The following OBI1 variants were observed in gnomAD, a reference collection of about 807,000 sequenced individuals.
OBI1 encodes the protein ORC ubiquitin ligase 1.
A neutral mutation model predicts 62.4 loss-of-function variants in OBI1; 59 were observed. The observed-to-expected ratio is 0.95, with a 90% confidence interval of 0.77 to 1.17. The LOEUF is 1.17. OBI1 is among the 50% of genes most tolerant of loss of function. OBI1 has a pLI of 0.00. For synonymous variants in OBI1, 302 were observed against 292.8 expected, an observed-to-expected ratio of 1.03 and a Z score of -0.32; for missense variants, 875 against 830.9, an observed-to-expected ratio of 1.05 and a Z score of -0.65.
At chr13:78,630,339 T>A (rs895318583) in intron 5 of OBI1, among the ~76,000 whole-genome samples, 9 of 152,176 alleles carry the variant, frequency 5.9e-5, no homozygotes, top group Non-Finnish European at 1.3e-4. Flanking sequence ...CATTTACTCA[T>A]AACACATATT....
chr13:78,634,379 C>T (rs1342863205), intron 5 of OBI1, among the ~76,000 whole-genome samples: 1 of 152,048 alleles, frequency 6.6e-6, no homozygotes, highest in Non-Finnish European at 1.5e-5. Flanking sequence ...AATGCAACCT[C>T]TGCCTCCCGG....
In OBI1 at chr13:78,615,635, CT is replaced by C. The variant is rs1566273003; in HGVS notation, c.2125del (p.Arg709GlufsTer56). The C allele has an allele frequency of 1.9e-6, 3 of 1,612,944 alleles. No homozygotes were observed. The highest frequency in any genetic ancestry group is 1.3e-5 in the African/African-American group (1 of 74,812). On this transcript the variant is annotated frameshift_variant, in exon 6 of 6. Transcript: ENST00000282003. LOFTEE classifies it high-confidence loss of function. The stretch of plus-strand genomic sequence containing the variant: ...ACTGGAAAGGCTGCTCTGGATTTTT[CT>C]TTTTGTTGATTGATTCACATTTTTA... ...RNKNVNQSTK[R>X]KIQSSLSSAS...
intron 5 of OBI1, 116 bp from the exon 6 acceptor site, chr13:78,617,238 C>A: frequency 1.3e-6 from 1 of 746,462 alleles, no homozygotes; most frequent in Admixed American, 3.4e-5. Context: ...CATTTCAGAC[C>A]ACTCAATGAG....
intron 1 of OBI1, among the ~76,000 whole-genome samples, chr13:78,648,103 C>T (rs1876437312): frequency 6.6e-6 from 1 of 152,054 alleles, no homozygotes. Flanking sequence ...GGCAGACAAA[C>T]CTGAACTTTC....
intron 3 of OBI1, among the ~76,000 whole-genome samples, chr13:78,641,068 T>A (rs1876202015): frequency 6.6e-6 from 1 of 152,196 alleles, no homozygotes; most frequent in South Asian, 2.1e-4. Context: ...TATGATGCCA[T>A]TTATTCATCT....
At chr13:78,650,659 T>C (rs575961153) in intron 1 of OBI1, among the ~76,000 whole-genome samples, 7 of 152,130 alleles carry the variant, frequency 4.6e-5, no homozygotes, top group Admixed American at 3.3e-4. Context: ...CTCTGAAAAC[T>C]GTGGCTTAAC....
At chr13:78,635,756 C>G (rs1245688717) in intron 4 of OBI1, among the ~76,000 whole-genome samples, 3 of 152,024 alleles carry the variant, frequency 2.0e-5, no homozygotes, top group Non-Finnish European at 4.4e-5. Context: ...ATCTATCTAT[C>G]TATGTATCTA....
chr13:78,618,890 T>C lies in OBI1; in HGVS notation c.639-1768A>G, dbSNP rs567594145. 1.4e-4 allele frequency among the ~76,000 whole-genome samples: 22 copies of C among 152,324 alleles called. No individual in the cohort carries two copies. In the South Asian group the frequency reaches 4.6e-3, roughly 32 times the overall value. On this transcript the variant is annotated intron_variant, in intron 5 of 5. Transcript: ENST00000282003. The stretch of plus-strand genomic sequence containing the variant: ...GAGTTGTAGTTCTGCAAGAGAACTT[T>C]TAAAAAGTGGGCAAAGACCTTTCAG...
intron 5 of OBI1, among the ~76,000 whole-genome samples, chr13:78,632,299 T>C (rs1182236311): frequency 1.3e-5 from 2 of 152,138 alleles, no homozygotes; most frequent in Non-Finnish European, 2.9e-5. Flanking sequence ...CCCTGCCAAA[T>C]TCTGATGTGG....
chr13:78,657,211 A>G (rs2137475346), intron 1 of OBI1, among the ~76,000 whole-genome samples: 1 of 152,320 alleles, frequency 6.6e-6, no homozygotes, highest in East Asian at 1.9e-4. Context: ...AGTCTGGCAC[A>G]TAAGATTAAG....
chr13:78,645,995 C>G (rs370939505), intron 1 of OBI1, among the ~76,000 whole-genome samples: 7 of 152,170 alleles, frequency 4.6e-5, no homozygotes, highest in Admixed American at 1.3e-4. Flanking sequence ...CTTTCACCGC[C>G]CCAACCCTTT....
At chr13:78,644,291 C>T (rs1041294334) in intron 2 of OBI1, among the ~76,000 whole-genome samples, 1 of 152,148 alleles carries the variant, frequency 6.6e-6, no homozygotes, top group African/African-American at 2.4e-5. Context: ...AGAGCAAGTC[C>T]CTGATTTAGC....
rs766688273 is a variant in OBI1, at chr13:78,659,136, C to G, written c.-16G>C. 6 of 1,608,290 alleles carry G rather than the reference C, an allele frequency of 3.7e-6. No homozygotes were observed. Among genetic ancestry groups the G allele is most frequent in the South Asian group, 3.3e-5 (3 of 90,254 alleles). ...TCTGAGCCATGGCAGCGTTCAGAATCCCGCCAACACGGAAGTCCCGCCGAC... is the reference window on the plus strand; with the variant it reads ...TCTGAGCCATGGCAGCGTTCAGAATGCCGCCAACACGGAAGTCCCGCCGAC... On this transcript the variant is annotated 5_prime_UTR_variant, in exon 1 of 6. Coordinates refer to ENST00000282003, the MANE Select transcript of OBI1 (RefSeq NM_024546.4).
At chr13:78,653,322 G>A (rs1876599466) in intron 1 of OBI1, among the ~76,000 whole-genome samples, 1 of 152,174 alleles carries the variant, frequency 6.6e-6, no homozygotes, top group Admixed American at 6.5e-5. Flanking sequence ...AATGAGAAAT[G>A]TCTCCACACA....
intron 1 of OBI1, among the ~76,000 whole-genome samples, chr13:78,655,268 T>C (rs1012957969): frequency 1.3e-5 from 2 of 152,076 alleles, no homozygotes; most frequent in African/African-American, 4.8e-5. Context: ...TATCAAAATG[T>C]CACTTAACAG....
intron 2 of OBI1, among the ~76,000 whole-genome samples, chr13:78,643,222 T>C (rs1054832930): frequency 2.0e-5 from 3 of 152,150 alleles, no homozygotes; most frequent in African/African-American, 7.2e-5. Context: ...AGGTAGGATA[T>C]GGGATGAGAA....
intron 5 of OBI1, among the ~76,000 whole-genome samples, chr13:78,623,054 T>C (rs2137432086): frequency 6.6e-6 from 1 of 152,252 alleles, no homozygotes. Context: ...TAGGGAAGTT[T>C]TGGGAAGCAA....
chr13:78,641,089 T>C (rs182306611), intron 3 of OBI1, among the ~76,000 whole-genome samples: 2 of 152,324 alleles, frequency 1.3e-5, no homozygotes, highest in African/African-American at 2.4e-5. Flanking sequence ...ATAATAAATA[T>C]GTCACCTTAA....
At chr13:78,633,464 A>G (rs1270219300) in intron 5 of OBI1, among the ~76,000 whole-genome samples, 1 of 152,164 alleles carries the variant, frequency 6.6e-6, no homozygotes, top group Non-Finnish European at 1.5e-5. Context: ...TTCTGGTAGG[A>G]TAAATTTCCA....
Sources: allele counts gnomAD v4.1 joint callset (sites outside exome capture counted in the v4.1 genomes callset), GRCh38; gene constraint gnomAD v4.1.1; transcripts MANE v1.5; gene names NCBI Gene and HGNC (gene_info 2026-07-23, HGNC 2026-07-21).